RANBP17: variants seen among roughly 807,000 people sequenced by gnomAD.
RANBP17 encodes the protein ran-binding protein 17.
Under a neutral mutation model 141.2 loss-of-function variants are expected in RANBP17, and 158 were observed. The observed-to-expected ratio is 1.12, with a 90% confidence interval of 0.98 to 1.28. The LOEUF (loss-of-function observed/expected upper bound fraction) is 1.28. RANBP17 is among the 50% of genes most tolerant of loss of function. The pLI is 0.00. For synonymous variants in RANBP17, 430 were observed against 450.0 expected (o/e 0.96, Z 0.56); for missense variants, 1,438 against 1,290.7 (o/e 1.11, Z -1.75).
At chr5:171,004,483 C>G (rs1187498576) in intron 14 of RANBP17, among the ~76,000 whole-genome samples, 1 of 152,058 alleles carries the variant, frequency 6.6e-6, no homozygotes, top group African/African-American at 2.4e-5. Flanking sequence ...ATACCCACAA[C>G]AGTTATGGGG....
intron 14 of RANBP17, among the ~76,000 whole-genome samples, chr5:171,026,451 C>G (rs182137789): frequency 6.6e-6 from 1 of 152,314 alleles, no homozygotes; most frequent in Admixed American, 6.5e-5. Context: ...ACTGCGAAAA[C>G]TCCTGCAATT....
At chr5:171,010,812 T>C (rs932689225) in intron 14 of RANBP17, among the ~76,000 whole-genome samples, 2 of 151,972 alleles carry the variant, frequency 1.3e-5, no homozygotes, top group African/African-American at 4.8e-5. Flanking sequence ...TAGAGAAAAA[T>C]GACAAAATCT....
intron 14 of RANBP17, among the ~76,000 whole-genome samples, chr5:171,125,087 G>A (rs376942312): frequency 6.6e-6 from 1 of 152,084 alleles, no homozygotes; most frequent in African/African-American, 2.4e-5. Flanking sequence ...CTGAGGTCAG[G>A]AGTTCAAAAC....
At chr5:171,277,938 C>CCTTTTTTTTTTTTTTTT (rs1554127986) in intron 25 of RANBP17, among the ~76,000 whole-genome samples, 2 of 72,266 alleles carry the variant, frequency 2.8e-5, no homozygotes, top group Non-Finnish European at 2.3e-5. Flanking sequence ...GGACTTCTTT[C>CCTTTTTTTTTTTTTTTT]TTTTTTTTTT....
chr5:171,199,317 A>G (rs1484330710), intron 18 of RANBP17, among the ~76,000 whole-genome samples: 5 of 152,282 alleles, frequency 3.3e-5, no homozygotes, highest in Admixed American at 2.0e-4. Context: ...GGGAAAAAAA[A>G]AACACTGCGT....
At chr5:170,949,519 T>C (rs1011509783) in intron 12 of RANBP17, among the ~76,000 whole-genome samples, 4 of 152,166 alleles carry the variant, frequency 2.6e-5, no homozygotes, top group African/African-American at 9.7e-5. Context: ...ATCAAAATTA[T>C]AATGAAATAC....
intron 1 of RANBP17, among the ~76,000 whole-genome samples, chr5:170,871,659 G>A (rs1380359668): frequency 6.6e-6 from 1 of 151,964 alleles, no homozygotes; most frequent in African/African-American, 2.4e-5. Context: ...TTTGGGTTTT[G>A]ATTAAGTCTT....
intron 12 of RANBP17, among the ~76,000 whole-genome samples, chr5:170,931,887 C>T (rs530989622): frequency 7.4e-4 from 113 of 152,188 alleles, no homozygotes; most frequent in African/African-American, 1.6e-3. Context: ...CTTGGCAATG[C>T]GGGCTCTTTT....
At chr5:171,057,447 C>T (rs920449292) in intron 14 of RANBP17, among the ~76,000 whole-genome samples, 4 of 151,964 alleles carry the variant, frequency 2.6e-5, no homozygotes, top group Admixed American at 2.0e-4. Flanking sequence ...AATTATATCT[C>T]CTGGAAATCA....
At chr5:170,932,357 G>A (rs1773464567) in intron 12 of RANBP17, among the ~76,000 whole-genome samples, 1 of 152,062 alleles carries the variant, frequency 6.6e-6, no homozygotes, top group South Asian at 2.1e-4. Context: ...CTGCAAACAG[G>A]GACAATTTGA....
intron 22 of RANBP17, among the ~76,000 whole-genome samples, chr5:171,230,308 A>G (rs1164208309): frequency 6.6e-6 from 1 of 152,196 alleles, no homozygotes; most frequent in Non-Finnish European, 1.5e-5. Context: ...TTTAAAGAAG[A>G]GAATAGATTT....
At chr5:171,201,722 G>A (rs1581850901) in intron 19 of RANBP17, among the ~76,000 whole-genome samples, 1 of 152,166 alleles carries the variant, frequency 6.6e-6, no homozygotes, top group Non-Finnish European at 1.5e-5. Flanking sequence ...AGAAAACTTG[G>A]TGCTTTAAGC....
At chr5:170,909,546 C>G (rs1771348649) in intron 5 of RANBP17, 115 bp from the exon 6 acceptor site, 1 of 585,176 alleles carries the variant, frequency 1.7e-6, no homozygotes, top group Non-Finnish European at 2.9e-6. Flanking sequence ...TTGAAACAGT[C>G]TAGAAACTTG....
chr5:171,190,064 C>A (rs546525704), intron 18 of RANBP17, among the ~76,000 whole-genome samples: 3 of 151,904 alleles, frequency 2.0e-5, no homozygotes, highest in African/African-American at 7.3e-5. Flanking sequence ...CACCTACTTT[C>A]TTGCAAAAGT....
chr5:171,151,505 G>A (rs1466723042), intron 14 of RANBP17, among the ~76,000 whole-genome samples: 1 of 152,018 alleles, frequency 6.6e-6, no homozygotes, highest in African/African-American at 2.4e-5. Flanking sequence ...CCAAGCAATG[G>A]CACAAATTAA....
intron 10 of RANBP17, 143 bp downstream of exon 10, chr5:170,919,002 A>G (rs532597087): frequency 5.8e-5 from 25 of 428,756 alleles, no homozygotes; most frequent in East Asian, 1.5e-4. Context: ...AGGTAAAAAA[A>G]TTCATTGAAA....
At chr5:171,061,479 A>G (rs1253926335) in intron 14 of RANBP17, among the ~76,000 whole-genome samples, 5 of 151,832 alleles carry the variant, frequency 3.3e-5, no homozygotes, top group Non-Finnish European at 5.9e-5. Flanking sequence ...GTTTTGAGTG[A>G]GTTTCTTAAT....
intron 9 of RANBP17, 43 bp from the exon 10 acceptor site, chr5:170,918,670 G>A (rs1282806326): frequency 3.9e-6 from 6 of 1,538,742 alleles, no homozygotes; most frequent in South Asian, 1.3e-5. Context: ...ATTGTCCATA[G>A]GTTGGCTTGT....
intron 24 of RANBP17, chr5:171,252,941 A>G: frequency 6.9e-7 from 1 of 1,454,974 alleles, no homozygotes; most frequent in South Asian, 1.1e-5. Context: ...GATATCTCAA[A>G]GAACTCTGAG....
Sources: allele counts gnomAD v4.1 joint callset (sites outside exome capture counted in the v4.1 genomes callset), GRCh38; gene constraint gnomAD v4.1.1; transcripts MANE v1.5; gene names NCBI Gene and HGNC (gene_info 2026-07-23, HGNC 2026-07-21).